Variants in NXPE2 observed in about 807,000 individuals in gnomAD.
NXPE2 encodes NXPE family member 2.
A neutral mutation model predicts 34.4 loss-of-function variants in NXPE2; 34 were observed. That is an observed-to-expected ratio of 0.99 (90% confidence interval 0.75 to 1.31). NXPE2 has a LOEUF of 1.31. Ranked by LOEUF, NXPE2 falls within the 40% of genes most tolerant of loss-of-function variation. The pLI is 0.00. For synonymous variants in NXPE2, 235 were observed against 231.3 expected, an observed-to-expected ratio of 1.02 and a Z score of -0.15; for missense variants, 649 against 672.5, an observed-to-expected ratio of 0.97 and a Z score of 0.39.
chr11:114,471,889 G>A, the NXPE2 span, among the ~76,000 whole-genome samples: 1,870 of 152,186 alleles, frequency 0.012, 38 homozygotes, highest in African/African-American at 0.043. Flanking sequence ...GCAAAAACAA[G>A]CAACCAACCC....
the NXPE2 span, among the ~76,000 whole-genome samples, chr11:114,754,421 G>A: frequency 6.6e-6 from 1 of 152,156 alleles, no homozygotes; most frequent in African/African-American, 2.4e-5. Flanking sequence ...GAAGCACCAG[G>A]TCACAATTTT....
At chr11:114,793,095 A>G in the NXPE2 span, among the ~76,000 whole-genome samples, 1 of 152,198 alleles carries the variant, frequency 6.6e-6, no homozygotes, top group Non-Finnish European at 1.5e-5. Context: ...CACACTAGTG[A>G]TACAGAACAG....
intron 2 of NXPE2, among the ~76,000 whole-genome samples, chr11:114,695,756 G>T (rs1216166641): frequency 6.6e-6 from 1 of 151,870 alleles, no homozygotes; most frequent in African/African-American, 2.4e-5. Context: ...ACTTTGGGAG[G>T]CCAAGGCAGG....
the NXPE2 span, chr11:114,583,719 C>G: frequency 1.8e-6 from 1 of 548,668 alleles, no homozygotes; most frequent in Non-Finnish European, 3.6e-6. Context: ...GTTAATGATA[C>G]AATCTGGGCC....
At chr11:114,591,510 G>A in the NXPE2 span, among the ~76,000 whole-genome samples, 1 of 152,090 alleles carries the variant, frequency 6.6e-6, no homozygotes, top group Non-Finnish European at 1.5e-5. Flanking sequence ...CAGCAAGAAA[G>A]CCTCATGACA....
At chr11:114,636,594 G>A in the NXPE2 span, among the ~76,000 whole-genome samples, 22 of 151,810 alleles carry the variant, frequency 1.4e-4, no homozygotes, top group Non-Finnish European at 2.7e-4. Flanking sequence ...TCTCTTGTGG[G>A]CATTTAGTGC....
chr11:114,718,354 G>A, the NXPE2 span, among the ~76,000 whole-genome samples: 1 of 152,082 alleles, frequency 6.6e-6, no homozygotes, highest in Non-Finnish European at 1.5e-5. Context: ...AATAATATAA[G>A]CTATTATTAT....
chr11:114,779,740 G>T, the NXPE2 span, among the ~76,000 whole-genome samples: 1 of 152,018 alleles, frequency 6.6e-6, no homozygotes, highest in Non-Finnish European at 1.5e-5. Flanking sequence ...AGGAAGGAGG[G>T]CTCAGTCCCT....
the NXPE2 span, among the ~76,000 whole-genome samples, chr11:114,762,905 T>A: frequency 6.6e-6 from 1 of 152,088 alleles, no homozygotes; most frequent in East Asian, 1.9e-4. Context: ...CATCAGTCAC[T>A]GAGGCCTATT....
chr11:114,571,157 G>A, the NXPE2 span: 4 of 1,613,918 alleles, frequency 2.5e-6, no homozygotes, highest in Non-Finnish European at 3.4e-6. Flanking sequence ...TTTCTGTTTT[G>A]ATGATAACCA....
intron 3 of NXPE2, among the ~76,000 whole-genome samples, chr11:114,702,367 G>A (rs754724074): frequency 1.2e-4 from 19 of 152,240 alleles, no homozygotes; most frequent in Non-Finnish European, 2.8e-4. Flanking sequence ...AAATTTACAA[G>A]GTAGCCGGGT....
chr11:114,803,856 G>T, the NXPE2 span, among the ~76,000 whole-genome samples: 87 of 152,044 alleles, frequency 5.7e-4, no homozygotes, highest in African/African-American at 2.0e-3. Context: ...GCGATTACAG[G>T]CATGAGCCAC....
the NXPE2 span, among the ~76,000 whole-genome samples, chr11:114,616,585 C>T: frequency 7.3e-5 from 11 of 151,502 alleles, no homozygotes; most frequent in Admixed American, 7.2e-4. Context: ...CACTGTTACC[C>T]AGTGGATAAT....
At chr11:114,559,716 G>C in the NXPE2 span, 1 of 151,350 alleles carries the variant, frequency 6.6e-6, no homozygotes, top group Non-Finnish European at 1.5e-5. Context: ...AATTTCTTTT[G>C]CTTTGTTCTT....
At chr11:114,676,967 T>A (rs537933441), upstream of NXPE2, among the ~76,000 whole-genome samples, 70 of 152,160 alleles carry the variant, frequency 4.6e-4, no homozygotes, top group African/African-American at 1.5e-3. Context: ...TGCAACAACA[T>A]GGGTGAACCT....
the NXPE2 span, among the ~76,000 whole-genome samples, chr11:114,568,707 C>T: frequency 6.6e-6 from 1 of 152,078 alleles, no homozygotes; most frequent in African/African-American, 2.4e-5. Context: ...TCCTTTTTAT[C>T]TTTTCTATCC....
At chr11:114,506,945 G>A in the NXPE2 span, among the ~76,000 whole-genome samples, 18 of 152,160 alleles carry the variant, frequency 1.2e-4, no homozygotes, top group Non-Finnish European at 1.6e-4. Context: ...AAATCCAGGA[G>A]CTGGTTTTTT....
At chr11:114,645,320 TA>T in the NXPE2 span, among the ~76,000 whole-genome samples, 753 of 151,770 alleles carry the variant, frequency 5.0e-3, 7 homozygotes, top group Middle Eastern at 0.017. Context: ...TAAGTAAAAA[TA>T]AAAAAACCCA....
chr11:114,749,581 G>C, the NXPE2 span, among the ~76,000 whole-genome samples: 6 of 152,272 alleles, frequency 3.9e-5, no homozygotes. Flanking sequence ...AGTTCACAAG[G>C]ATGCACCACA....
Sources: gnomAD v4.1 joint callset for allele counts (sites outside exome capture counted in the v4.1 genomes callset) on GRCh38, gnomAD v4.1.1 for gene constraint, MANE v1.5 for transcripts, NCBI Gene and HGNC (gene_info 2026-07-23, HGNC 2026-07-21) for gene names.